BUB3: variants seen among roughly 807,000 people sequenced by gnomAD.
BUB3 encodes mitotic checkpoint protein BUB3.
BUB3 carries 22 observed loss-of-function variants against 39.9 expected under a neutral mutation model. The observed-to-expected ratio is 0.55, with a 90% CI of 0.39 to 0.79. The LOEUF (loss-of-function observed/expected upper bound fraction) is 0.79, where lower values mean the gene tolerates loss of function less well. Among genes scored for constraint, BUB3 ranks in the 30% least tolerant of loss-of-function variants. The pLI is 0.00. For missense variants in BUB3, 303 were observed against 415.4 expected (o/e 0.73, Z 2.35); for synonymous variants, 168 against 155.1 (o/e 1.08, Z -0.62).
chr10:123,156,753 G>GTT (rs756642442), intron 3 of BUB3, among the ~76,000 whole-genome samples: 1 of 135,080 alleles, frequency 7.4e-6, no homozygotes. Context: ...TTTCTTTCTT[G>GTT]TTTTTTTTTT....
intron 7 of BUB3, chr10:123,163,204 C>T (rs1844447944): frequency 4.7e-6 from 1 of 213,706 alleles, no homozygotes; most frequent in Non-Finnish European, 9.2e-6. Flanking sequence ...AAAAATCTTT[C>T]CTCTCCACAG....
chr10:123,165,198 C>T lies in BUB3; in HGVS notation c.*1363C>T. 1.0e-6 allele frequency: 1 copy of T among 984,008 alleles called. No homozygotes were observed. The highest frequency in any genetic ancestry group is 1.5e-6 in the Non-Finnish European group (1 of 649,974). The allele number at this position is 984,008 out of a possible 1,614,324, so 61.0% of individuals were successfully genotyped here. The stretch of plus-strand genomic sequence containing the variant: ...AGAAACTTGTCTATGTACCTTAATA[C>T]TTTGTTTAGGATGAGGAGTCTTTGT... On this transcript the variant is annotated 3_prime_UTR_variant, in exon 8 of 8. Coordinates refer to ENST00000368865, the MANE Select transcript of BUB3 (RefSeq NM_004725.4).
Position 123,164,212 on chromosome 10 carries a change from C to T in BUB3, c.*377C>T, listed in dbSNP as rs1844459407. 1.7e-5 allele frequency: 17 copies of T among 996,374 alleles called. No individual in the cohort carries two copies. Among genetic ancestry groups the T allele is most frequent in the Non-Finnish European group, 1.9e-5 (16 of 837,778 alleles). The allele number at this position is 996,374 out of a possible 1,614,324, so 61.7% of individuals were successfully genotyped here. A position where few individuals can be genotyped will look rare whatever the true frequency, so the allele number is the denominator to read the frequency against. On this transcript the variant is annotated 3_prime_UTR_variant, in exon 8 of 8. Transcript: ENST00000368865. ...ACCTTAAATGGTAGAGGAAAAGGCT[C>T]GTGAGCCATTTGTTTCTTTTGCTGG...
chr10:123,162,581 A>T (rs764676872), intron 6 of BUB3, 31 bp from the exon 7 acceptor site: 6 of 1,591,256 alleles, frequency 3.8e-6, no homozygotes, highest in Non-Finnish European at 5.1e-6. Flanking sequence ...GGTGTTAAGA[A>T]CCATTTTAAC....
chr10:123,164,480 A>G lies in BUB3; in HGVS notation c.*645A>G. ...TAATATCATTTTGTGACTGTAAACA[A>G]TTATTTATTAGCAAACAATTGATCC... is the stretch of plus-strand genomic sequence containing the variant. On this transcript the variant is annotated 3_prime_UTR_variant, in exon 8 of 8. Transcript: ENST00000368865. 1.0e-6 allele frequency: 1 copy of G among 985,724 alleles called. No homozygotes were observed. Among genetic ancestry groups the G allele is most frequent in the Non-Finnish European group, 1.2e-6 (1 of 830,146 alleles). 61.1% of individuals were successfully genotyped at this position (985,724 alleles called of 1,614,324 possible).
chr10:123,164,874 G>T lies in BUB3; in HGVS notation c.*1039G>T. 7.3e-7 allele frequency: 1 copy of T among 1,363,400 alleles called. No individual in the cohort carries two copies. The highest frequency in any genetic ancestry group is 9.4e-7 in the Non-Finnish European group (1 of 1,058,594). The allele number at this position is 1,363,400 out of a possible 1,614,324, so 84.5% of individuals were successfully genotyped here. A position where few individuals can be genotyped will look rare whatever the true frequency, so the allele number is the denominator to read the frequency against. On this transcript the variant is annotated 3_prime_UTR_variant, in exon 8 of 8. Coordinates refer to ENST00000368865, the MANE Select transcript of BUB3 (RefSeq NM_004725.4). ...CAAACTTTAAAATTTATATTAATTT[G>T]CAAATGTATGTCTCTGAGTAGGACT... is the stretch of plus-strand genomic sequence containing the variant.
Position 123,164,170 on chromosome 10 carries a change from C to G in BUB3, c.*335C>G. ...TTGTAAATAAGTGTAATAAAAATCC[C>G]TTTGCATTCTTTCTGGACCTTAAAT... On this transcript the variant is annotated 3_prime_UTR_variant, in exon 8 of 8. Coordinates refer to ENST00000368865, the MANE Select transcript of BUB3 (RefSeq NM_004725.4). 1 of 1,025,600 alleles carries G rather than the reference C, an allele frequency of 9.8e-7. No individual in the cohort carries two copies. Among genetic ancestry groups the G allele is most frequent in the Non-Finnish European group, 1.2e-6 (1 of 857,240 alleles). The allele number at this position is 1,025,600 out of a possible 1,614,324, so 63.5% of individuals were successfully genotyped here. A position where few individuals can be genotyped will look rare whatever the true frequency, so the allele number is the denominator to read the frequency against.
At position 123,162,423 on chromosome 10, in the gene BUB3, G is replaced by A; in HGVS notation, c.754+10G>A. On this transcript the variant is annotated intron_variant, in intron 6 of 7. Transcript: ENST00000368865. ...AATACATTTGCCACAGGTAAAGTATGGCATGCTGACCTATATTTAATTATT... is the reference window on the plus strand; with the variant it reads ...AATACATTTGCCACAGGTAAAGTATAGCATGCTGACCTATATTTAATTATT... 1 of 1,611,668 alleles carries A rather than the reference G, an allele frequency of 6.2e-7. No homozygotes were observed. Among genetic ancestry groups the A allele is most frequent in the South Asian group, 1.1e-5 (1 of 90,868 alleles).
intron 5 of BUB3, 73 bp downstream of exon 5, chr10:123,160,638 C>G (rs1476610871): frequency 7.6e-7 from 1 of 1,317,374 alleles, no homozygotes; most frequent in Non-Finnish European, 1.0e-6. Flanking sequence ...GATTTGGCCA[C>G]TAGCCCCTAA....
At position 123,157,862 on chromosome 10, in the gene BUB3, C is replaced by T. The variant is rs749922735; in HGVS notation, c.399C>T (p.Thr133=). ...WDPRTPCNAG[T]FSQPEKVYTL... The stretch of plus-strand genomic sequence containing the variant: ...CCAGAACTCCTTGTAATGCTGGGAC[C>T]TTCTCTCAGCCTGAAAAGGTAGGCT... The change falls in exon 4 of 8, where the codon ACC becomes ACT. Residue 133 remains threonine (T), a synonymous_variant. Transcript: ENST00000368865. 1.2e-6 allele frequency: 2 copies of T among 1,613,040 alleles called. No individual in the cohort carries two copies. The highest frequency in any genetic ancestry group is 8.5e-7 in the Non-Finnish European group (1 of 1,179,686).
rs780800681 is a variant in BUB3 at position 123,167,625 on chromosome 10, G to A, written c.*3790G>A. ...TATAATTTTGGAGTATAGACATCTTGTCCAGTGCACTAGACAGGTGACCTT... is the reference window on the plus strand; with the variant it reads ...TATAATTTTGGAGTATAGACATCTTATCCAGTGCACTAGACAGGTGACCTT... On this transcript the variant is annotated 3_prime_UTR_variant, in exon 8 of 8. Coordinates refer to ENST00000368865, the MANE Select transcript of BUB3 (RefSeq NM_004725.4). The A allele has an allele frequency of 7.9e-5, 12 of 152,190 alleles. No individual in the cohort carries two copies. In the Middle Eastern group the frequency reaches 0.014, roughly 173 times the overall value. The allele number at this position is 152,190 out of a possible 1,614,324, so 9.4% of individuals were successfully genotyped here.
chr10:123,160,687 C>A, intron 5 of BUB3, 122 bp downstream of exon 5: 3 of 948,980 alleles, frequency 3.2e-6, no homozygotes, highest in Non-Finnish European at 4.4e-6. Context: ...TTAGAATTTG[C>A]TGTTAGGTGT....
Position 123,157,709 on chromosome 10 carries a change from C to T in BUB3, c.266-20C>T, listed in dbSNP as rs1370224150. 7.8e-6 allele frequency: 12 copies of T among 1,542,778 alleles called. No homozygotes were observed. The highest frequency in any genetic ancestry group is 1.1e-5 in the Non-Finnish European group (12 of 1,141,302). ...GTAAGCTAGATGTTGGGGTTTTTTCCCCTTTTTTTTTCTCTATAGAAAATC... is the reference window on the plus strand; with the variant it reads ...GTAAGCTAGATGTTGGGGTTTTTTCTCCTTTTTTTTTCTCTATAGAAAATC... On this transcript the variant is annotated intron_variant, in intron 3 of 7. Transcript: ENST00000368865.
At position 123,154,993 on chromosome 10, in the gene BUB3, A is replaced by T; in HGVS notation, c.76A>T (p.Thr26Ser). 1.2e-6 allele frequency: 2 copies of T among 1,613,586 alleles called. No homozygotes were observed. Among genetic ancestry groups the T allele is most frequent in the African/African-American group, 1.3e-5 (1 of 74,830 alleles). Residue 26 changes from threonine to serine, a missense_variant, in exon 2 of 8, where the codon ACC becomes TCC. Thr to Ser is a moderately conservative substitution (Grantham distance 58). Transcript: ENST00000368865. ...GISSVKFSPN[T>S]SQFLLVSSWD... ...CTCCTCCGTGAAGTTCAGCCCCAAC[A>T]CCTCCCAGTTCCTGCTTGTCTCCTC... is the stretch of plus-strand genomic sequence containing the variant.
chr10:123,155,251 C>G, intron 2 of BUB3, 139 bp downstream of exon 2: 4 of 988,208 alleles, frequency 4.0e-6, no homozygotes, highest in Non-Finnish European at 5.8e-6. Flanking sequence ...TCAGGAGCAT[C>G]TGCCTTGAAC....
intron 2 of BUB3, 31 bp from the exon 3 acceptor site, chr10:123,155,627 A>C: frequency 6.3e-7 from 1 of 1,598,322 alleles, no homozygotes; most frequent in Non-Finnish European, 8.6e-7. Flanking sequence ...CAAAAGTTCT[A>C]GTTTTTAAAC....
At position 123,167,348 on chromosome 10, in the gene BUB3, G is replaced by C. The variant is rs1233922149; in HGVS notation, c.*3513G>C. On this transcript the variant is annotated 3_prime_UTR_variant, in exon 8 of 8. Coordinates refer to ENST00000368865, the MANE Select transcript of BUB3 (RefSeq NM_004725.4). ...TGTTCAAGGCCCCCTTTTCCATGAAGCCCTTCTTCCTTGTTGCAGCTCACA... is the reference window on the plus strand; with the variant it reads ...TGTTCAAGGCCCCCTTTTCCATGAACCCCTTCTTCCTTGTTGCAGCTCACA... The C allele has an allele frequency of 6.6e-6, 1 of 152,148 alleles. No homozygotes were observed. Among genetic ancestry groups the C allele is most frequent in the Non-Finnish European group, 1.5e-5 (1 of 68,042 alleles). 9.4% of individuals were successfully genotyped at this position (152,148 alleles called of 1,614,324 possible).
At position 123,165,032 on chromosome 10, in the gene BUB3, T is replaced by C; in HGVS notation, c.*1197T>C. 6.2e-7 allele frequency: 1 copy of C among 1,613,010 alleles called. No individual in the cohort carries two copies. The highest frequency in any genetic ancestry group is 8.5e-7 in the Non-Finnish European group (1 of 1,179,732). ...GTCTGAACCCATCTTTTGAAATGTA[T>C]TTTCTTCATTGCAGGTCCACCTAAT... On this transcript the variant is annotated 3_prime_UTR_variant, in exon 8 of 8. Coordinates refer to ENST00000368865, the MANE Select transcript of BUB3 (RefSeq NM_004725.4).
intron 4 of BUB3, 89 bp from the exon 5 acceptor site, chr10:123,160,318 T>G: frequency 6.5e-6 from 8 of 1,222,410 alleles, no homozygotes; most frequent in Non-Finnish European, 8.9e-6. Flanking sequence ...TTTTTTATGG[T>G]CTTATGATCA....
Sources: allele counts gnomAD v4.1 joint callset (sites outside exome capture counted in the v4.1 genomes callset), GRCh38; gene constraint gnomAD v4.1.1; transcripts MANE v1.5; gene names NCBI Gene and HGNC (gene_info 2026-07-23, HGNC 2026-07-21).